ABCC3: variants seen among roughly 807,000 people sequenced by gnomAD.
ABCC3 encodes ATP binding cassette subfamily C member 3, also known as ATP-binding cassette sub-family C member 3.
In ABCC3, 121 loss-of-function variants were observed where a neutral mutation model predicts 165.3. That is an observed-to-expected ratio of 0.73 (90% CI 0.63 to 0.85). The LOEUF (loss-of-function observed/expected upper bound fraction) is 0.85. Ranked by LOEUF, ABCC3 falls within the 40% of genes least tolerant of loss-of-function variation. The pLI, the probability that ABCC3 is intolerant of heterozygous loss-of-function variation, is 0.00. For missense variants in ABCC3, 1,869 were observed against 1,964.1 expected (o/e 0.95, Z 0.92); for synonymous variants, 733 against 810.1 (o/e 0.90, Z 1.62).
At chr17:50,645,200 T>TA (rs564267933) in intron 1 of ABCC3, among the ~76,000 whole-genome samples, 4,858 of 118,284 alleles carry the variant, frequency 0.041, 245 homozygotes, top group African/African-American at 0.13. Context: ...GACTTGGCCT[T>TA]AAAAAAAAAA....
rs1184297842 is a variant in ABCC3 at position 50,673,014 on chromosome 17, C to G, written c.2285C>G (p.Ala762Gly). Residue 762 changes from alanine to glycine, a missense_variant, in exon 18 of 31, where the codon GCT becomes GGT. By Grantham distance (60) the Ala-to-Gly change is moderately conservative. Transcript: ENST00000285238. ...SGGQRQRVSL[A>G]RAVYSDADIF... is the part of the protein sequence containing the mutation. Reference sequence around the variant, plus strand: ...GGCCAGCGGCAGCGGGTCAGTCTGGCTCGAGCTGTTTACAGTGATGCCGAT... The same window carrying G: ...GGCCAGCGGCAGCGGGTCAGTCTGGGTCGAGCTGTTTACAGTGATGCCGAT... 1 of 1,614,144 alleles carries G rather than the reference C, an allele frequency of 6.2e-7. No individual in the cohort carries two copies. Among genetic ancestry groups the G allele is most frequent in the Admixed American group, 1.7e-5 (1 of 60,030 alleles).
chr17:50,655,799 G>A (rs780977211), intron 1 of ABCC3, 33 bp from the exon 2 acceptor site: 44 of 1,602,366 alleles, frequency 2.7e-5, no homozygotes, highest in Non-Finnish European at 3.2e-5. Context: ...CTGTGGGGCT[G>A]CCACAGCACT....
intron 30 of ABCC3, among the ~76,000 whole-genome samples, chr17:50,689,555 CAAG>C (rs1268784371): frequency 6.6e-6 from 1 of 152,200 alleles, no homozygotes; most frequent in Non-Finnish European, 1.5e-5. Context: ...TTCACTCACT[CAAG>C]AAACACTTGC....
At chr17:50,655,693 G>C (rs1967224345) in intron 1 of ABCC3, 139 bp from the exon 2 acceptor site, 1 of 714,804 alleles carries the variant, frequency 1.4e-6, no homozygotes, top group Admixed American at 2.8e-5. Flanking sequence ...CTGCTCATTT[G>C]TGTACTCTCT....
chr17:50,641,259 A>C (rs1331973772), intron 1 of ABCC3, among the ~76,000 whole-genome samples: 1 of 152,208 alleles, frequency 6.6e-6, no homozygotes, highest in Non-Finnish European at 1.5e-5. Context: ...TTATTAAGGA[A>C]GCTGTTGTTG....
chr17:50,664,910 T>C (rs1967487085), intron 10 of ABCC3, among the ~76,000 whole-genome samples: 1 of 152,090 alleles, frequency 6.6e-6, no homozygotes, highest in African/African-American at 2.4e-5. Context: ...ATATTTGCCT[T>C]CCTGTGTGTC....
At chr17:50,681,161 C>G (rs1967920956) in intron 26 of ABCC3, among the ~76,000 whole-genome samples, 1 of 152,124 alleles carries the variant, frequency 6.6e-6, no homozygotes. Context: ...TGCTTTGCTT[C>G]CCCAAGAAGC....
chr17:50,669,869 C>T (rs1006541112), intron 17 of ABCC3, among the ~76,000 whole-genome samples: 2 of 151,972 alleles, frequency 1.3e-5, no homozygotes, highest in African/African-American at 2.4e-5. Context: ...CATCATGGGA[C>T]GCTGCAGCTT....
chr17:50,686,693 C>T (rs189613327), intron 29 of ABCC3, among the ~76,000 whole-genome samples: 191 of 152,304 alleles, frequency 1.3e-3, no homozygotes, highest in Admixed American at 3.3e-3. Flanking sequence ...TCCTCCCTCA[C>T]TGAGCTTGTA....
At chr17:50,647,455 C>G (rs893950791) in intron 1 of ABCC3, among the ~76,000 whole-genome samples, 1 of 152,158 alleles carries the variant, frequency 6.6e-6, no homozygotes, top group African/African-American at 2.4e-5. Context: ...ATCTGAGAGG[C>G]AGCAGGAAGT....
At chr17:50,691,014 A>G in intron 30 of ABCC3, 78 bp from the exon 31 acceptor site, 1 of 1,152,640 alleles carries the variant, frequency 8.7e-7, no homozygotes, top group Non-Finnish European at 1.3e-6. Flanking sequence ...CTGAGCAAGT[A>G]CCCAGAAGAG....
At chr17:50,673,974 T>C (rs1241231080) in intron 19 of ABCC3, among the ~76,000 whole-genome samples, 9 of 13,284 alleles carry the variant, frequency 6.8e-4, no homozygotes, top group Admixed American at 6.1e-3. Context: ...CTTTCTTTCT[T>C]TCTTTCTCTC....
chr17:50,669,341 C>T lies in ABCC3; in HGVS notation c.2065-11C>T, dbSNP rs563157133. 1 of 1,614,186 alleles carries T rather than the reference C, an allele frequency of 6.2e-7. No homozygotes were observed. Among genetic ancestry groups the T allele is most frequent in the South Asian group, 1.1e-5 (1 of 91,076 alleles). ...TGGGCAAGCCCCGAGGTAAATTTCT[C>T]CTGTGGCCAGGGCTCCGTGGCCTAT... On this transcript the variant is annotated splice_polypyrimidine_tract_variant and intron_variant, in intron 16 of 30. Coordinates refer to ENST00000285238, the MANE Select transcript of ABCC3 (RefSeq NM_003786.4).
At chr17:50,658,274 C>T in intron 5 of ABCC3, 67 bp downstream of exon 5, 2 of 1,610,228 alleles carry the variant, frequency 1.2e-6, no homozygotes, top group Non-Finnish European at 1.7e-6. Flanking sequence ...GACCAGCAGC[C>T]CCCAACCCCT....
At chr17:50,647,068 G>A (rs1398161801) in intron 1 of ABCC3, among the ~76,000 whole-genome samples, 1 of 152,068 alleles carries the variant, frequency 6.6e-6, no homozygotes, top group African/African-American at 2.4e-5. Context: ...TAGTAGAGAC[G>A]GGATTTCACC....
chr17:50,656,789 G>A lies in ABCC3; in HGVS notation c.310G>A (p.Val104Ile). ...GGTCCATGGCCGGGCCCCTGCCCCT[G>A]TTTTCTTTGTCACCCCCTTGGTGGT... ...GLVHGRAPAP[V>I]FFVTPLVVGV... The change falls in exon 3 of 31, where the codon GTT becomes ATT. Residue 104 changes from valine to isoleucine, a missense_variant. Physicochemically the swap from Val to Ile is conservative, Grantham distance 29 (BLOSUM62 3). Coordinates refer to ENST00000285238, the MANE Select transcript of ABCC3 (RefSeq NM_003786.4). 1 of 1,613,656 alleles carries A rather than the reference G, an allele frequency of 6.2e-7. No individual in the cohort carries two copies. Among genetic ancestry groups the A allele is most frequent in the Non-Finnish European group, 8.5e-7 (1 of 1,179,864 alleles).
At chr17:50,639,048 G>T (rs1343730596) in intron 1 of ABCC3, among the ~76,000 whole-genome samples, 1 of 152,138 alleles carries the variant, frequency 6.6e-6, no homozygotes, top group Non-Finnish European at 1.5e-5. Flanking sequence ...AATGGGCAAG[G>T]CTCCTATGCC....
At chr17:50,673,394 A>G in intron 18 of ABCC3, 75 bp from the exon 19 acceptor site, 1 of 1,542,418 alleles carries the variant, frequency 6.5e-7, no homozygotes, top group Non-Finnish European at 8.8e-7. Flanking sequence ...CTTCACACTC[A>G]CTCTGTGGCT....
Position 50,678,063 on chromosome 17 carries a change from C to T in ABCC3, c.3579-30C>T, listed in dbSNP as rs745872938. 1.1e-5 allele frequency: 17 copies of T among 1,613,174 alleles called. No individual in the cohort carries two copies. In the South Asian group the frequency reaches 1.6e-4, roughly 16 times the overall value. On this transcript the variant is annotated intron_variant, in intron 24 of 30. Coordinates refer to ENST00000285238, the MANE Select transcript of ABCC3 (RefSeq NM_003786.4). ...AAAACTGGCCCTGCCCTGCCCCTGC[C>T]CCATTTCCTCCTCATCTGATCCCCC... is the stretch of plus-strand genomic sequence containing the variant.
Sources: gnomAD v4.1 joint callset for allele counts (sites outside exome capture counted in the v4.1 genomes callset) on GRCh38, gnomAD v4.1.1 for gene constraint, MANE v1.5 for transcripts, NCBI Gene and HGNC (gene_info 2026-07-23, HGNC 2026-07-21) for gene names.